ERI1: variants seen among roughly 807,000 people sequenced by gnomAD.
ERI1 encodes the protein 3'-5' exoribonuclease 1.
In ERI1, 39 loss-of-function variants were observed where a neutral mutation model predicts 39.7. The observed-to-expected ratio is 0.98, with a 90% CI of 0.76 to 1.28. ERI1 has a LOEUF of 1.28. Among genes scored for constraint, ERI1 ranks in the 50% most tolerant of loss-of-function variants. The pLI is 0.00. For missense variants in ERI1, 581 were observed against 416.9 expected (o/e 1.39, Z -3.43); for synonymous variants, 204 against 149.6 (o/e 1.36, Z -2.65).
intron 3 of ERI1, among the ~76,000 whole-genome samples, chr8:9,073,462 AT>A (rs1039433667): frequency 1.8e-4 from 27 of 152,212 alleles, no homozygotes; most frequent in Non-Finnish European, 3.8e-4. Flanking sequence ...CAAATAGAGC[AT>A]TGTAAAGGAG....
At chr8:9,016,852 A>G (rs1027749518) in intron 4 of ERI1, among the ~76,000 whole-genome samples, 1 of 151,564 alleles carries the variant, frequency 6.6e-6, no homozygotes, top group Non-Finnish European at 1.5e-5. Flanking sequence ...ACACCCGGCT[A>G]ATTTTTTTAT....
Position 9,027,089 on chromosome 8 carries a change from A to G in ERI1, c.808-2703A>G, listed in dbSNP as rs982568085. ...CATTTTACATTCCTGCCAGCAATGC[A>G]CAAAGTACTACATTCTCCACATCTC... On this transcript the variant is annotated intron_variant, in intron 6 of 6. Transcript: ENST00000250263. Among the ~76,000 whole-genome samples the G allele has an allele frequency of 5.3e-5, 8 of 152,036 alleles. No homozygotes were observed. In the East Asian group the frequency reaches 7.7e-4, roughly 15 times the overall value.
chr8:9,078,958 TA>T (rs561881647), intron 3 of ERI1, among the ~76,000 whole-genome samples: 1 of 151,678 alleles, frequency 6.6e-6, no homozygotes, highest in Non-Finnish European at 1.5e-5. Context: ...TTTATCAGGA[TA>T]AAAAAAATGT....
At chr8:9,014,014 G>T (rs867422685) in intron 3 of ERI1, among the ~76,000 whole-genome samples, 4 of 152,186 alleles carry the variant, frequency 2.6e-5, no homozygotes, top group Admixed American at 6.5e-5. Context: ...AAACTGGCCA[G>T]AGTAATCCTT....
At chr8:9,023,473 G>GTA (rs759334366) in intron 6 of ERI1, among the ~76,000 whole-genome samples, 3 of 152,198 alleles carry the variant, frequency 2.0e-5, no homozygotes, top group East Asian at 3.9e-4. Context: ...GTATATTAGT[G>GTA]TAATCGGAAA....
intron 3 of ERI1, among the ~76,000 whole-genome samples, chr8:9,041,381 A>G (rs1416728665): frequency 1.3e-5 from 2 of 152,176 alleles, no homozygotes; most frequent in Non-Finnish European, 2.9e-5. Context: ...GTTGAGGCAT[A>G]CACGCTCTTC....
In ERI1 at chr8:9,003,123, G is replaced by C; in HGVS notation, c.60G>C (p.Glu20Asp). Residue 20 changes from glutamate to aspartate, a missense_variant, in exon 1 of 7, where the codon GAG becomes GAC. By Grantham distance (45) the Glu-to-Asp change is conservative. Transcript: ENST00000250263. ...AGGCCGTGGCTCTCGCGCTGCTGGA[G>C]TCGCCGCGGCCGGAGGGCGGGGAGG... is the stretch of plus-strand genomic sequence containing the variant. Reference protein sequence around the residue: ...AGEAVALALLESPRPEGGEEP... With the variant: ...AGEAVALALLDSPRPEGGEEP... 1 of 1,246,334 alleles carries C rather than the reference G, an allele frequency of 8.0e-7. No homozygotes were observed. The highest frequency in any genetic ancestry group is 3.1e-5 in the East Asian group (1 of 31,812). The allele number at this position is 1,246,334 out of a possible 1,614,324, so 77.2% of individuals were successfully genotyped here. A position where few individuals can be genotyped will look rare whatever the true frequency, so the allele number is the denominator to read the frequency against.
At chr8:9,071,323 A>G (rs1191343423) in intron 3 of ERI1, among the ~76,000 whole-genome samples, 1 of 152,204 alleles carries the variant, frequency 6.6e-6, no homozygotes, top group Non-Finnish European at 1.5e-5. Flanking sequence ...CTTTTCTGGA[A>G]TTTCTATTCT....
chr8:9,069,267 T>C (rs1798977866), intron 3 of ERI1, among the ~76,000 whole-genome samples: 1 of 152,242 alleles, frequency 6.6e-6, no homozygotes, highest in Non-Finnish European at 1.5e-5. Flanking sequence ...GAATCCTCTC[T>C]GAAGCTGGGT....
At chr8:9,011,266 T>G (rs1430537461) in intron 2 of ERI1, among the ~76,000 whole-genome samples, 1 of 152,136 alleles carries the variant, frequency 6.6e-6, no homozygotes, top group African/African-American at 2.4e-5. Context: ...TGTTTATGGT[T>G]TGAAGTACCA....
intron 3 of ERI1, among the ~76,000 whole-genome samples, chr8:9,072,235 G>C (rs567722603): frequency 6.6e-6 from 1 of 152,288 alleles, no homozygotes; most frequent in East Asian, 1.9e-4. Flanking sequence ...CTGTGAGGTT[G>C]CCGTGTTGAG....
intron 3 of ERI1, chr8:9,062,784 G>A (rs1798747771): frequency 6.6e-6 from 1 of 151,526 alleles, no homozygotes; most frequent in Admixed American, 6.6e-5. Flanking sequence ...GTGGCTGCCA[G>A]GTGAGTTGAA....
At chr8:9,085,277 C>T (rs537116102) in intron 3 of ERI1, among the ~76,000 whole-genome samples, 3 of 152,108 alleles carry the variant, frequency 2.0e-5, no homozygotes, top group Non-Finnish European at 2.9e-5. Flanking sequence ...GACATGGTCT[C>T]GACTTACTGC....
chr8:9,038,607 C>G (rs931724556), intron 3 of ERI1, among the ~76,000 whole-genome samples: 6 of 149,676 alleles, frequency 4.0e-5, no homozygotes, highest in African/African-American at 1.5e-4. Context: ...AAATTCAAAA[C>G]TTAGCTGGGC....
intron 3 of ERI1, among the ~76,000 whole-genome samples, chr8:9,086,208 G>A (rs1799520331): frequency 6.6e-6 from 1 of 152,176 alleles, no homozygotes; most frequent in African/African-American, 2.4e-5. Flanking sequence ...GAGCCCAGGA[G>A]TTCAGGACCA....
In ERI1 at chr8:9,007,992, A is replaced by G. The variant is rs1399291405; in HGVS notation, c.131A>G (p.Asp44Gly). Residue 44 changes from aspartate (D) to glycine (G), a missense_variant, in exon 2 of 7, where the codon GAT becomes GGT. Physicochemically the swap from Asp to Gly is moderately conservative, Grantham distance 94 (BLOSUM62 -1). Transcript: ENST00000250263. ...SPEETQQCKFDGQETKGSKFI... is the reference protein window; with the variant it reads ...SPEETQQCKFGGQETKGSKFI... The stretch of plus-strand genomic sequence containing the variant: ...TAGGAAACTCAACAGTGTAAATTTG[A>G]TGGCCAGGAGACAAAAGGATCCAAG... The G allele has an allele frequency of 2.0e-5, 21 of 1,031,410 alleles. No homozygotes were observed. Among genetic ancestry groups the G allele is most frequent in the Non-Finnish European group, 2.8e-5 (21 of 738,526 alleles). The allele number at this position is 1,031,410 out of a possible 1,614,324, so 63.9% of individuals were successfully genotyped here. A position where few individuals can be genotyped will look rare whatever the true frequency, so the allele number is the denominator to read the frequency against.
chr8:9,086,095 G>A (rs545597559), intron 3 of ERI1, among the ~76,000 whole-genome samples: 10 of 152,178 alleles, frequency 6.6e-5, no homozygotes, highest in African/African-American at 2.4e-4. Flanking sequence ...TCTAGACTGC[G>A]GCATTTACCA....
intron 6 of ERI1, among the ~76,000 whole-genome samples, 175 bp from the exon 7 acceptor site, chr8:9,029,617 C>T (rs1797442300): frequency 6.6e-6 from 1 of 152,206 alleles, no homozygotes; most frequent in South Asian, 2.1e-4. Flanking sequence ...AGGCGTGAGC[C>T]ACCTTGCCTG....
intron 1 of ERI1, 30 bp from the exon 2 acceptor site, chr8:9,007,934 CCTTTTT>C: frequency 1.9e-6 from 2 of 1,071,414 alleles, no homozygotes; most frequent in Non-Finnish European, 2.5e-6. Context: ...TAAACTACAT[CCTTTTT>C]TTTTTTTTTT....
Sources: allele counts gnomAD v4.1 joint callset (sites outside exome capture counted in the v4.1 genomes callset), GRCh38; gene constraint gnomAD v4.1.1; transcripts MANE v1.5; gene names NCBI Gene and HGNC (gene_info 2026-07-23, HGNC 2026-07-21).